TUSC3: variants seen among roughly 807,000 people sequenced by gnomAD.
TUSC3 encodes the protein dolichyl-diphosphooligosaccharide--protein glycosyltransferase subunit TUSC3.
A neutral mutation model predicts 44.8 loss-of-function variants in TUSC3; 45 were observed. The ratio of observed to expected loss-of-function variants is 1.00; its 90% CI spans 0.79 to 1.29. The LOEUF is 1.29. TUSC3 is among the 50% of genes most tolerant of loss of function. TUSC3 has a pLI of 0.00. For missense variants in TUSC3, 519 were observed against 437.9 expected, an observed-to-expected ratio of 1.19 and a Z score of -1.65; for synonymous variants, 212 against 152.9, an observed-to-expected ratio of 1.39 and a Z score of -2.85.
At chr8:15,655,424 G>A (rs1807112717) in intron 3 of TUSC3, among the ~76,000 whole-genome samples, 1 of 152,184 alleles carries the variant, frequency 6.6e-6, no homozygotes, top group African/African-American at 2.4e-5. Context: ...CCCAAGTGCT[G>A]GCAAGCCACT....
chr8:15,608,592 TGG>T (rs1804628841), intron 1 of TUSC3, among the ~76,000 whole-genome samples: 1 of 152,156 alleles, frequency 6.6e-6, no homozygotes, highest in African/African-American at 2.4e-5. Context: ...AGGAACCTGA[TGG>T]GAGGTGATTG....
chr8:15,674,584 C>G (rs1397280823), intron 6 of TUSC3, among the ~76,000 whole-genome samples: 1 of 151,974 alleles, frequency 6.6e-6, no homozygotes, highest in Admixed American at 6.6e-5. Flanking sequence ...CATCTCATAA[C>G]TATTCTTGTT....
chr8:15,755,006 A>G (rs1811865075), intron 9 of TUSC3, among the ~76,000 whole-genome samples: 1 of 152,124 alleles, frequency 6.6e-6, no homozygotes, highest in South Asian at 2.1e-4. Flanking sequence ...GGTACCTGCT[A>G]AAGGATAAAA....
chr8:15,425,513 T>A (rs1427062603), intron 1 of TUSC3, among the ~76,000 whole-genome samples: 1 of 152,054 alleles, frequency 6.6e-6, no homozygotes. Flanking sequence ...GAGAGATGGT[T>A]TTTCAAGTAC....
intron 2 of TUSC3, among the ~76,000 whole-genome samples, chr8:15,632,360 G>C (rs968706231): frequency 1.3e-5 from 2 of 152,138 alleles, no homozygotes; most frequent in African/African-American, 4.8e-5. Context: ...CAAGGGAAGA[G>C]TACTATAGCA....
chr8:15,661,726 G>A (rs572415186), intron 4 of TUSC3, among the ~76,000 whole-genome samples: 12 of 151,952 alleles, frequency 7.9e-5, no homozygotes, highest in South Asian at 2.1e-4. Context: ...AAAGGATACC[G>A]TCAAAAAAGT....
chr8:15,548,565 A>G (rs1387061869), intron 1 of TUSC3, among the ~76,000 whole-genome samples: 1 of 151,830 alleles, frequency 6.6e-6, no homozygotes, highest in East Asian at 1.9e-4. Flanking sequence ...ACAGCATAGA[A>G]AAATGGGAAG....
intron 1 of TUSC3, among the ~76,000 whole-genome samples, chr8:15,469,662 T>C (rs1004858511): frequency 3.3e-5 from 5 of 152,212 alleles, no homozygotes; most frequent in East Asian, 1.9e-4. Flanking sequence ...CCCAAATGAA[T>C]TGAAAACTTA....
intron 7 of TUSC3, among the ~76,000 whole-genome samples, chr8:15,734,833 A>G (rs1404098121): frequency 1.3e-5 from 2 of 152,180 alleles, no homozygotes; most frequent in Non-Finnish European, 2.9e-5. Context: ...ATGACAGCAA[A>G]TATTCTTTAT....
chr8:15,833,742 G>C, the TUSC3 span, among the ~76,000 whole-genome samples: 2 of 151,966 alleles, frequency 1.3e-5, no homozygotes, highest in East Asian at 1.9e-4. Context: ...ATGGGTACTA[G>C]GCTTAATACC....
At chr8:15,616,952 G>A (rs1805010929) in intron 1 of TUSC3, among the ~76,000 whole-genome samples, 1 of 152,162 alleles carries the variant, frequency 6.6e-6, no homozygotes, top group Non-Finnish European at 1.5e-5. Context: ...GGCAGAATGA[G>A]CCCAGCAAAG....
intron 1 of TUSC3, among the ~76,000 whole-genome samples, chr8:15,598,013 C>G (rs1278704315): frequency 6.6e-6 from 1 of 151,970 alleles, no homozygotes; most frequent in Non-Finnish European, 1.5e-5. Context: ...TTTCAAATTG[C>G]TTTTCACGTA....
intron 1 of TUSC3, among the ~76,000 whole-genome samples, chr8:15,582,653 G>T (rs1052033266): frequency 6.6e-6 from 1 of 152,194 alleles, no homozygotes; most frequent in Non-Finnish European, 1.5e-5. Flanking sequence ...GGGGGATAAA[G>T]CACTGGTCAC....
chr8:15,590,465 G>A (rs886581425), intron 1 of TUSC3, among the ~76,000 whole-genome samples: 1 of 151,956 alleles, frequency 6.6e-6, no homozygotes, highest in South Asian at 2.1e-4. Flanking sequence ...CTCTCTCCCA[G>A]CATCTAAGAA....
intron 1 of TUSC3, among the ~76,000 whole-genome samples, chr8:15,618,648 A>C (rs1250951179): frequency 6.6e-6 from 1 of 152,226 alleles, no homozygotes; most frequent in Non-Finnish European, 1.5e-5. Context: ...ACTTTAGAAA[A>C]CAAATAAGCA....
chr8:15,805,089 G>C, the TUSC3 span, among the ~76,000 whole-genome samples: 3 of 151,838 alleles, frequency 2.0e-5, no homozygotes, highest in African/African-American at 7.3e-5. Flanking sequence ...TTGTGTGTGT[G>C]GCAACTGTAA....
At chr8:15,718,289 G>A (rs1015731376) in intron 6 of TUSC3, among the ~76,000 whole-genome samples, 1 of 152,142 alleles carries the variant, frequency 6.6e-6, no homozygotes, top group African/African-American at 2.4e-5. Context: ...AATAGGAAAT[G>A]CCCGTTGGCT....
chr8:15,842,852 G>T, the TUSC3 span, among the ~76,000 whole-genome samples: 1 of 152,120 alleles, frequency 6.6e-6, no homozygotes, highest in African/African-American at 2.4e-5. Context: ...TAGCTTTCAC[G>T]GTTTTTACCA....
In TUSC3 at chr8:15,499,560, C is replaced by T. The variant is rs139543594; in HGVS notation, n.189+16077C>T. Among the ~76,000 whole-genome samples the T allele has an allele frequency of 1.9e-3, 286 of 152,286 alleles. 1 individual carries two copies. The highest frequency in any genetic ancestry group is 1.0e-3 in the Non-Finnish European group (68 of 68,026). On this transcript the variant is annotated intron_variant and non_coding_transcript_variant, in intron 2 of 5. Coordinates refer to the TUSC3 transcript ENST00000503191. ...ATAAATGGCCTCTCTTTTGTGTCTG[C>T]ATTCTGTCATTCAACATAATTTATA...
Sources: allele counts gnomAD v4.1 joint callset (sites outside exome capture counted in the v4.1 genomes callset), GRCh38; gene constraint gnomAD v4.1.1; transcripts MANE v1.5; gene names NCBI Gene and HGNC (gene_info 2026-07-23, HGNC 2026-07-21).